The following FNTB variants were observed in gnomAD, a reference collection of about 807,000 sequenced individuals.
FNTB encodes the protein protein farnesyltransferase subunit beta.
In FNTB, 27 loss-of-function variants were observed where a neutral mutation model predicts 59.4. The observed-to-expected ratio is 0.45, with a 90% CI of 0.34 to 0.63. The LOEUF is 0.63. Ranked by LOEUF, FNTB falls within the 20% of genes least tolerant of loss-of-function variation. The pLI is 0.02. For synonymous variants in FNTB, 230 were observed against 220.7 expected, an observed-to-expected ratio of 1.04 and a Z score of -0.37; for missense variants, 449 against 559.6, an observed-to-expected ratio of 0.80 and a Z score of 1.99.
intron 7 of FNTB, among the ~76,000 whole-genome samples, chr14:65,033,945 T>C (rs1396668094): frequency 6.6e-6 from 1 of 152,244 alleles, no homozygotes; most frequent in Non-Finnish European, 1.5e-5. Context: ...AAAAAAATTT[T>C]ATTTTTATCA....
chr14:65,048,527 A>T (rs2139659105), intron 9 of FNTB, among the ~76,000 whole-genome samples: 1 of 152,310 alleles, frequency 6.6e-6, no homozygotes. Context: ...TGTGTAAATG[A>T]CAGTATTTGA....
rs199719600 is a variant in FNTB, at chr14:65,027,510, C to A, written c.432C>A (p.Pro144=). Residue 144 remains proline (P), a synonymous_variant, in exon 5 of 12, where the codon CCC becomes CCA. Transcript: ENST00000246166. This position sits in a 1 kb window ranked among gnomAD's most constrained non-coding sequence, Gnocchi z 5.7. ...CAGAAGGTGGCTTTGGAGGAGGACCCGGTCAGTATCCACACCTTGCACCCA... is the reference window on the plus strand; with the variant it reads ...CAGAAGGTGGCTTTGGAGGAGGACCAGGTCAGTATCCACACCTTGCACCCA... ...QSPEGGFGGG[P]GQYPHLAPTY... is the part of the protein sequence containing the mutation. The A allele has an allele frequency of 6.2e-7, 1 of 1,614,024 alleles. No individual in the cohort carries two copies. Among genetic ancestry groups the A allele is most frequent in the Admixed American group, 1.7e-5 (1 of 59,988 alleles).
At chr14:64,987,559 C>T (rs1198422642) in intron 1 of FNTB, 1 of 167,740 alleles carries the variant, frequency 6.0e-6, no homozygotes, top group Non-Finnish European at 1.3e-5. Context: ...ACCTACAGTG[C>T]CAGGTTTGGG....
chr14:65,057,285 C>T (rs1223390606), intron 11 of FNTB, among the ~76,000 whole-genome samples: 4 of 151,948 alleles, frequency 2.6e-5, no homozygotes, highest in African/African-American at 9.7e-5. Context: ...GATTTTAGGC[C>T]AGATATGGTG....
At position 65,023,496 on chromosome 14, in the gene FNTB, A is replaced by G. The variant is rs371617290; in HGVS notation, c.375-3957A>G. ...GATTTACATACTCTTTAATGATGGA[A>G]TGATAAAAGTGGTGGTGTCCAGCAG... On this transcript the variant is annotated intron_variant, in intron 4 of 11. Coordinates refer to ENST00000246166, the MANE Select transcript of FNTB (RefSeq NM_002028.4). The surrounding 1 kb of genome is among the most constrained non-coding windows in gnomAD (Gnocchi z 4.1). Among the ~76,000 whole-genome samples, 8 of 152,208 alleles carry G rather than the reference A, an allele frequency of 5.3e-5. No homozygotes were observed. The highest frequency in any genetic ancestry group is 1.9e-4 in the African/African-American group (8 of 41,470).
intron 4 of FNTB, among the ~76,000 whole-genome samples, chr14:65,016,859 G>A (rs1374060455): frequency 6.6e-6 from 1 of 152,062 alleles, no homozygotes; most frequent in Non-Finnish European, 1.5e-5. Flanking sequence ...AGCACTGGAA[G>A]GAGAGTTGGA....
intron 11 of FNTB, among the ~76,000 whole-genome samples, chr14:65,056,275 T>C (rs2062735153): frequency 1.3e-5 from 2 of 152,212 alleles, no homozygotes; most frequent in African/African-American, 2.4e-5. Flanking sequence ...TGATACTCCC[T>C]TATATAAATG....
Position 65,027,274 on chromosome 14 carries a change from A to G in FNTB, c.375-179A>G, listed in dbSNP as rs747569662. The stretch of plus-strand genomic sequence containing the variant: ...GAGGAGGGCAGACAGAAATGATGAT[A>G]GCTGGAGAGAGAATTAAGCCCTTTG... On this transcript the variant is annotated intron_variant, in intron 4 of 11. Transcript: ENST00000246166. This position sits in a 1 kb window ranked among gnomAD's most constrained non-coding sequence, Gnocchi z 5.7. 2.6e-5 allele frequency: 24 copies of G among 925,852 alleles called. No homozygotes were observed. Among genetic ancestry groups the G allele is most frequent in the Non-Finnish European group, 3.8e-5 (24 of 626,458 alleles). 57.4% of individuals were successfully genotyped at this position (925,852 alleles called of 1,614,324 possible).
chr14:65,022,286 T>TG (rs2139554993), intron 4 of FNTB, among the ~76,000 whole-genome samples: 1 of 139,472 alleles, frequency 7.2e-6, no homozygotes, highest in South Asian at 2.5e-4. Context: ...TTTTTTCTGT[T>TG]TTTTTTTTTT....
chr14:65,045,978 T>A (rs1295686725), intron 9 of FNTB, among the ~76,000 whole-genome samples: 1 of 152,124 alleles, frequency 6.6e-6, no homozygotes, highest in African/African-American at 2.4e-5. Context: ...AAGTCAAACA[T>A]TTTTTATTTT....
chr14:64,993,932 C>A (rs1291323938), intron 1 of FNTB, among the ~76,000 whole-genome samples: 1 of 151,724 alleles, frequency 6.6e-6, no homozygotes, highest in South Asian at 2.1e-4. Flanking sequence ...CTCCACTCAC[C>A]GTAACCTCCG....
At chr14:64,987,253 TTGGGCTTC>T in intron 1 of FNTB, 156 bp downstream of exon 1, 1 of 871,388 alleles carries the variant, frequency 1.1e-6, no homozygotes, top group Admixed American at 2.6e-5. Flanking sequence ...GCGCCCAGGC[TTGGGCTTC>T]GTCGTGGAGC....
Position 65,049,953 on chromosome 14 carries a change from A to G in FNTB, c.956-3285A>G, listed in dbSNP as rs1328795021. 2.0e-5 allele frequency among the ~76,000 whole-genome samples: 3 copies of G among 152,154 alleles called. No individual in the cohort carries two copies. The East Asian group carries it at 5.8e-4, about 29-fold the overall frequency. On this transcript the variant is annotated intron_variant, in intron 9 of 11. Coordinates refer to ENST00000246166, the MANE Select transcript of FNTB (RefSeq NM_002028.4). ...AAATCGTGAAGGAAAAATCAATAGT[A>G]TGATTACAATATTAAGTATAAAACA...
At position 64,993,512 on chromosome 14, in the gene FNTB, A is replaced by G. The variant is rs141129108; in HGVS notation, c.144+6415A>G. 2.0e-3 allele frequency among the ~76,000 whole-genome samples: 300 copies of G among 152,334 alleles called. 2 individuals are homozygous for G. The highest frequency in any genetic ancestry group is 6.9e-3 in the African/African-American group (287 of 41,586). On this transcript the variant is annotated intron_variant, in intron 1 of 11. Coordinates refer to ENST00000246166, the MANE Select transcript of FNTB (RefSeq NM_002028.4). The stretch of plus-strand genomic sequence containing the variant: ...CTTCCTACAGCAAGAGGTACTTTGT[A>G]AGTATTTGAATATAAAGTGACTTGT...
chr14:65,048,750 G>A (rs1466231504), intron 9 of FNTB, among the ~76,000 whole-genome samples: 1 of 152,186 alleles, frequency 6.6e-6, no homozygotes, highest in Non-Finnish European at 1.5e-5. Flanking sequence ...AGCTACTCAG[G>A]AGGCTGAGGT....
chr14:65,055,523 ATT>A (rs1014896452), intron 11 of FNTB, among the ~76,000 whole-genome samples: 1 of 150,646 alleles, frequency 6.6e-6, no homozygotes, highest in Admixed American at 6.6e-5. Flanking sequence ...TTAATTTTTA[ATT>A]TTTTTTTGTG....
chr14:65,015,300 G>A (rs553671831), intron 3 of FNTB, among the ~76,000 whole-genome samples: 202 of 151,324 alleles, frequency 1.3e-3, no homozygotes, highest in Non-Finnish European at 2.6e-3. Flanking sequence ...ACAGGGTTTC[G>A]CCATGTTGGC....
intron 11 of FNTB, among the ~76,000 whole-genome samples, chr14:65,059,532 C>T (rs1178495934): frequency 6.6e-6 from 1 of 151,960 alleles, no homozygotes; most frequent in Non-Finnish European, 1.5e-5. Context: ...TGGCAGTTTT[C>T]CTGGTTTTTA....
At position 65,007,173 on chromosome 14, in the gene FNTB, T is replaced by C. The variant is rs2061608014; in HGVS notation, c.209+2860T>C. Among the ~76,000 whole-genome samples, 1 of 152,226 alleles carries C rather than the reference T, an allele frequency of 6.6e-6. No individual in the cohort carries two copies. The highest frequency in any genetic ancestry group is 1.5e-5 in the Non-Finnish European group (1 of 68,034). The stretch of plus-strand genomic sequence containing the variant: ...AGGCTGAAGGCAAACATCACCATCA[T>C]AGAATAAGCGAGGATATAAGAATAA... On this transcript the variant is annotated intron_variant, in intron 2 of 11. Transcript: ENST00000246166. This position sits in a 1 kb window ranked among gnomAD's most constrained non-coding sequence, Gnocchi z 4.9.
Sources: allele counts gnomAD v4.1 joint callset (sites outside exome capture counted in the v4.1 genomes callset), GRCh38; gene constraint gnomAD v4.1.1; non-coding constraint Gnocchi (gnomAD v3.1); transcripts MANE v1.5; gene names NCBI Gene and HGNC (gene_info 2026-07-23, HGNC 2026-07-21).